RICTOR: variants seen among roughly 807,000 people sequenced by gnomAD.
RICTOR encodes rapamycin-insensitive companion of mTOR.
A neutral mutation model predicts 214.9 loss-of-function variants in RICTOR; 49 were observed. The observed-to-expected ratio is 0.23, with a 90% CI of 0.18 to 0.29. The LOEUF (loss-of-function observed/expected upper bound fraction) is 0.29. Ranked by LOEUF, RICTOR falls within the 10% of genes least tolerant of loss-of-function variation. The pLI is 1.00. For synonymous variants in RICTOR, 717 were observed against 711.3 expected (o/e 1.01, Z -0.13); for missense variants, 1,625 against 2,047.0 (o/e 0.79, Z 3.98).
chr5:39,021,110 G>T lies in RICTOR; in HGVS notation c.124C>A (p.Leu42Ile). 1 of 1,594,510 alleles carries T rather than the reference G, an allele frequency of 6.3e-7. No homozygotes were observed. The highest frequency in any genetic ancestry group is 8.6e-7 in the Non-Finnish European group (1 of 1,162,280). ...REPSDNLREILQNVARLQGVS... is the reference protein window; with the variant it reads ...REPSDNLREIIQNVARLQGVS... Reference sequence around the variant, plus strand: ...CCCTGCAATCTGGCCACATTTTGGAGAATCTCTCTTAAGTTATCAGAAGGT... The same window carrying T: ...CCCTGCAATCTGGCCACATTTTGGATAATCTCTCTTAAGTTATCAGAAGGT... Residue 42 changes from leucine to isoleucine, a missense_variant, in exon 3 of 38, where the codon CTC becomes ATC. Leu to Ile is a conservative substitution (Grantham distance 5). Coordinates refer to ENST00000357387, the MANE Select transcript of RICTOR (RefSeq NM_152756.5).
intron 9 of RICTOR, among the ~76,000 whole-genome samples, chr5:38,975,905 A>C (rs1751192508): frequency 6.6e-6 from 1 of 152,234 alleles, no homozygotes; most frequent in Non-Finnish European, 1.5e-5. Context: ...CTGCTTAATA[A>C]GCATCTGTGG....
intron 2 of RICTOR, among the ~76,000 whole-genome samples, chr5:39,033,136 A>G (rs1055341607): frequency 1.3e-5 from 2 of 152,222 alleles, no homozygotes; most frequent in African/African-American, 2.4e-5. Context: ...TATAAATAAT[A>G]TGATCGCCTT....
chr5:39,044,518 T>TA (rs968228848), intron 2 of RICTOR, among the ~76,000 whole-genome samples: 10 of 151,188 alleles, frequency 6.6e-5, no homozygotes, highest in African/African-American at 1.5e-4. Context: ...AAAGAGGGAA[T>TA]AAAAAAAAAC....
intron 2 of RICTOR, among the ~76,000 whole-genome samples, chr5:39,069,091 T>C (rs979844150): frequency 3.9e-5 from 6 of 152,172 alleles, no homozygotes; most frequent in African/African-American, 1.4e-4. Flanking sequence ...ATTATAGTAA[T>C]AGTATGTATA....
At chr5:38,993,155 T>G (rs1234860909) in intron 6 of RICTOR, among the ~76,000 whole-genome samples, 1 of 152,170 alleles carries the variant, frequency 6.6e-6, no homozygotes, top group Non-Finnish European at 1.5e-5. Context: ...TTCAAACTCA[T>G]GGGCCAATGT....
At chr5:38,971,632 C>T (rs1332065726) in intron 11 of RICTOR, 8 of 261,884 alleles carry the variant, frequency 3.1e-5, no homozygotes, top group South Asian at 1.9e-4. Context: ...CCACCCACTT[C>T]GGCCTCCCAA....
chr5:38,954,733 T>A, intron 27 of RICTOR, 41 bp downstream of exon 27: 1 of 1,185,458 alleles, frequency 8.4e-7, no homozygotes, highest in Non-Finnish European at 1.2e-6. Flanking sequence ...GTTTTTTTTT[T>A]ACTATTGTAG....
At chr5:38,942,448 T>C (rs1747674020) in intron 37 of RICTOR, 70 bp from the exon 38 acceptor site, 1 of 847,086 alleles carries the variant, frequency 1.2e-6, no homozygotes. Context: ...TATATAAATA[T>C]CTAATTTTTT....
At chr5:38,958,103 G>C (rs1399462986) in intron 24 of RICTOR, among the ~76,000 whole-genome samples, 1 of 152,000 alleles carries the variant, frequency 6.6e-6, no homozygotes, top group Non-Finnish European at 1.5e-5. Flanking sequence ...TGGGCGTGGT[G>C]GTGTGCGCCT....
At chr5:39,034,517 C>T (rs1426776872) in intron 2 of RICTOR, among the ~76,000 whole-genome samples, 1 of 152,248 alleles carries the variant, frequency 6.6e-6, no homozygotes, top group African/African-American at 2.4e-5. Context: ...CAGGGCGAGG[C>T]ATCTCCTCAC....
At position 38,958,784 on chromosome 5, in the gene RICTOR, A is replaced by G; in HGVS notation, c.2226T>C (p.Ala742=). ...CCCAATTATTAAAGAATTCAACATT[A>G]GCTCTCAATAATACCCTTAAATGTT... The part of the protein sequence containing the change: ...ATKHLRVLLR[A]NVEFFNNWGI... The change falls in exon 23 of 38, where the codon GCT becomes GCC. Residue 742 remains alanine (A), a synonymous_variant. Coordinates refer to ENST00000357387, the MANE Select transcript of RICTOR (RefSeq NM_152756.5). The G allele has an allele frequency of 1.9e-6, 3 of 1,610,368 alleles. No individual in the cohort carries two copies. The highest frequency in any genetic ancestry group is 2.5e-6 in the Non-Finnish European group (3 of 1,177,712).
intron 2 of RICTOR, among the ~76,000 whole-genome samples, chr5:39,030,140 G>C (rs1232049330): frequency 1.1e-4 from 16 of 152,056 alleles, no homozygotes; most frequent in Non-Finnish European, 2.9e-5. Context: ...CTTCCTCTTA[G>C]TGTGAATTAC....
chr5:39,000,637 T>C lies in RICTOR; in HGVS notation c.392+1898A>G, dbSNP rs537572461. Among the ~76,000 whole-genome samples, 198 of 152,022 alleles carry C rather than the reference T, an allele frequency of 1.3e-3. 1 individual carries two copies. The highest frequency in any genetic ancestry group is 2.0e-3 in the Admixed American group (31 of 15,268). On this transcript the variant is annotated intron_variant, in intron 5 of 37. Transcript: ENST00000357387. ...CTATTCAGTGCAATATTCTAACTCATGTAGTAAGGTAAGAAAAAGATAAAG... is the reference window on the plus strand; with the variant it reads ...CTATTCAGTGCAATATTCTAACTCACGTAGTAAGGTAAGAAAAAGATAAAG...
intron 3 of RICTOR, among the ~76,000 whole-genome samples, chr5:39,020,422 A>C (rs1755326243): frequency 6.6e-6 from 1 of 152,216 alleles, no homozygotes; most frequent in Non-Finnish European, 1.5e-5. Context: ...TACTCTGATA[A>C]GGCAGCAGCC....
At chr5:39,053,457 C>A (rs1029382540) in intron 2 of RICTOR, among the ~76,000 whole-genome samples, 1 of 152,174 alleles carries the variant, frequency 6.6e-6, no homozygotes, top group Non-Finnish European at 1.5e-5. Context: ...TATCTGCCAA[C>A]CCCAAACCAT....
chr5:39,007,676 G>A (rs1324418627), intron 3 of RICTOR, among the ~76,000 whole-genome samples: 2 of 151,972 alleles, frequency 1.3e-5, no homozygotes, highest in African/African-American at 2.4e-5. Context: ...AAATAAATAT[G>A]ACATATATTC....
At chr5:39,035,694 C>T (rs1178696465) in intron 2 of RICTOR, among the ~76,000 whole-genome samples, 6 of 152,052 alleles carry the variant, frequency 3.9e-5, no homozygotes, top group African/African-American at 9.7e-5. Context: ...GTAGCCGATT[C>T]GATCAACTGG....
chr5:39,063,424 G>T (rs556305017), intron 2 of RICTOR, among the ~76,000 whole-genome samples: 1 of 152,056 alleles, frequency 6.6e-6, no homozygotes, highest in African/African-American at 2.4e-5. Context: ...CCAGGAAAAC[G>T]TTCATTCAAA....
intron 12 of RICTOR, 126 bp from the exon 13 acceptor site, chr5:38,967,553 C>CA: frequency 1.5e-6 from 1 of 660,572 alleles, no homozygotes; most frequent in Non-Finnish European, 2.6e-6. Flanking sequence ...ACCATACATT[C>CA]AAAAAGATAC....
Sources: gnomAD v4.1 joint callset for allele counts (sites outside exome capture counted in the v4.1 genomes callset) on GRCh38, gnomAD v4.1.1 for gene constraint, MANE v1.5 for transcripts, NCBI Gene and HGNC (gene_info 2026-07-23, HGNC 2026-07-21) for gene names.